Variants in MAD1L1 observed in about 807,000 individuals in gnomAD.
MAD1L1 encodes mitotic spindle assembly checkpoint protein MAD1.
Under a neutral mutation model 96.9 loss-of-function variants are expected in MAD1L1, and 95 were observed. The observed-to-expected ratio is 0.98, with a 90% CI of 0.83 to 1.16. MAD1L1 has a LOEUF of 1.16. MAD1L1 is among the 50% of genes most tolerant of loss of function. MAD1L1 has a pLI of 0.00. For missense variants in MAD1L1, 1,007 were observed against 954.4 expected (o/e 1.06, Z -0.73); for synonymous variants, 473 against 396.6 (o/e 1.19, Z -2.29).
At chr7:1,874,043 T>C (rs1785246337) in intron 18 of MAD1L1, among the ~76,000 whole-genome samples, 1 of 152,142 alleles carries the variant, frequency 6.6e-6, no homozygotes, top group African/African-American at 2.4e-5. Context: ...GGCGGGCCTC[T>C]CTGAGCACCC....
chr7:1,884,282 T>A (rs1785874696), intron 18 of MAD1L1, among the ~76,000 whole-genome samples: 1 of 152,168 alleles, frequency 6.6e-6, no homozygotes, highest in African/African-American at 2.4e-5. Flanking sequence ...AGCATGCCCC[T>A]GGCCACCCAC....
intron 18 of MAD1L1, among the ~76,000 whole-genome samples, chr7:1,883,856 A>G (rs1004811959): frequency 1.3e-5 from 2 of 152,216 alleles, no homozygotes; most frequent in South Asian, 4.1e-4. Flanking sequence ...CGACCGGAGC[A>G]GGAGCCTCGA....
chr7:2,226,707 A>C (rs1394833528), intron 3 of MAD1L1, among the ~76,000 whole-genome samples: 1 of 152,170 alleles, frequency 6.6e-6, no homozygotes, highest in Non-Finnish European at 1.5e-5. Flanking sequence ...TCTTCTCTTT[A>C]GGTTGGGTGT....
chr7:2,217,464 C>G (rs1793352320), intron 7 of MAD1L1, among the ~76,000 whole-genome samples: 1 of 152,174 alleles, frequency 6.6e-6, no homozygotes, highest in African/African-American at 2.4e-5. Flanking sequence ...GGTGAGGGTG[C>G]ATAAGGGCTG....
intron 11 of MAD1L1, among the ~76,000 whole-genome samples, chr7:2,072,942 C>A (rs1043552487): frequency 1.3e-5 from 2 of 152,242 alleles, no homozygotes; most frequent in Non-Finnish European, 2.9e-5. Flanking sequence ...GAGTAACGCA[C>A]ACCCACAGGA....
chr7:1,983,748 G>A (rs1048026272), intron 14 of MAD1L1, among the ~76,000 whole-genome samples: 3 of 152,190 alleles, frequency 2.0e-5, no homozygotes, highest in Non-Finnish European at 2.9e-5. Flanking sequence ...GAAAGCTCTC[G>A]CATGCTCCTG....
chr7:2,043,562 C>T (rs1007143031), intron 12 of MAD1L1, among the ~76,000 whole-genome samples: 6 of 152,206 alleles, frequency 3.9e-5, no homozygotes, highest in Admixed American at 6.5e-5. Flanking sequence ...GCCCGGGTAC[C>T]GTGCCTACAA....
At chr7:1,929,484 T>A (rs916677533) in intron 17 of MAD1L1, among the ~76,000 whole-genome samples, 5 of 152,122 alleles carry the variant, frequency 3.3e-5, no homozygotes, top group African/African-American at 1.2e-4. Flanking sequence ...CCCGTGCCGA[T>A]GGCAAGGGTT....
At chr7:2,228,012 G>A (rs954324418) in intron 3 of MAD1L1, among the ~76,000 whole-genome samples, 14 of 148,754 alleles carry the variant, frequency 9.4e-5, no homozygotes, top group South Asian at 2.2e-4. Context: ...CTGCCACGCC[G>A]GGGGCTCAGC....
intron 18 of MAD1L1, among the ~76,000 whole-genome samples, chr7:1,864,380 C>G (rs1421844272): frequency 6.6e-6 from 1 of 152,230 alleles, no homozygotes; most frequent in Non-Finnish European, 1.5e-5. Flanking sequence ...TTGGCCAGAG[C>G]TCCAGGGAAC....
At chr7:1,909,753 C>G (rs1002929985) in intron 17 of MAD1L1, among the ~76,000 whole-genome samples, 4 of 152,238 alleles carry the variant, frequency 2.6e-5, no homozygotes, top group Non-Finnish European at 4.4e-5. Context: ...CCAGCCAGGG[C>G]CTGCTGCTGC....
chr7:1,953,840 C>T (rs192847841), intron 16 of MAD1L1, among the ~76,000 whole-genome samples: 71 of 152,322 alleles, frequency 4.7e-4, no homozygotes, highest in Non-Finnish European at 9.1e-4. Context: ...ACACGGGGGC[C>T]CCACGGGGCA....
At chr7:2,076,948 T>C (rs1156886929) in intron 11 of MAD1L1, among the ~76,000 whole-genome samples, 3 of 145,702 alleles carry the variant, frequency 2.1e-5, no homozygotes, top group South Asian at 2.2e-4. Flanking sequence ...TATGGCACAG[T>C]GAGCCCGCGG....
chr7:2,210,527 C>A (rs113383409), intron 10 of MAD1L1, among the ~76,000 whole-genome samples: 2 of 123,006 alleles, frequency 1.6e-5, no homozygotes, highest in African/African-American at 8.0e-5. Flanking sequence ...ACCGCCAGCC[C>A]GCATTCCCGT....
At chr7:2,034,279 T>C (rs1307025368) in intron 12 of MAD1L1, among the ~76,000 whole-genome samples, 2 of 151,620 alleles carry the variant, frequency 1.3e-5, no homozygotes, top group Non-Finnish European at 2.9e-5. Flanking sequence ...TGCAATGGTG[T>C]GATCTAGGCT....
chr7:1,885,191 T>C (rs1785935593), intron 18 of MAD1L1, among the ~76,000 whole-genome samples: 1 of 152,122 alleles, frequency 6.6e-6, no homozygotes, highest in Non-Finnish European at 1.5e-5. Context: ...TCCGGGCTCC[T>C]GCATGGACGC....
intron 18 of MAD1L1, among the ~76,000 whole-genome samples, chr7:1,894,172 C>G (rs975568924): frequency 6.6e-6 from 1 of 152,208 alleles, no homozygotes; most frequent in African/African-American, 2.4e-5. Context: ...TGATGCTGAT[C>G]TCCTGGTCAG....
intron 18 of MAD1L1, among the ~76,000 whole-genome samples, chr7:1,892,231 C>G (rs999315422): frequency 2.6e-5 from 4 of 152,210 alleles, no homozygotes; most frequent in Non-Finnish European, 5.9e-5. Flanking sequence ...GCCGGCTAAA[C>G]CATGCGGCCC....
At chr7:2,125,383 C>T (rs921287433) in intron 11 of MAD1L1, among the ~76,000 whole-genome samples, 2 of 152,324 alleles carry the variant, frequency 1.3e-5, no homozygotes, top group Admixed American at 1.3e-4. Context: ...ATCCTTCCTC[C>T]TCATGCTGGC....
Sources: gnomAD v4.1 joint callset for allele counts (sites outside exome capture counted in the v4.1 genomes callset) on GRCh38, gnomAD v4.1.1 for gene constraint, MANE v1.5 for transcripts, NCBI Gene and HGNC (gene_info 2026-07-23, HGNC 2026-07-21) for gene names.